Variants in AIFM3 observed in about 807,000 individuals in gnomAD.
AIFM3 encodes the protein apoptosis-inducing factor 3.
AIFM3 carries 71 observed loss-of-function variants against 82.7 expected under a neutral mutation model. The ratio of observed to expected loss-of-function variants is 0.86; its 90% CI spans 0.71 to 1.05. AIFM3 has a LOEUF of 1.05. AIFM3 is among the 50% of genes least tolerant of loss of function. The pLI, the probability that AIFM3 is intolerant of heterozygous loss-of-function variation, is 0.00. For missense variants in AIFM3, 748 were observed against 816.7 expected (o/e 0.92, Z 1.03); for synonymous variants, 337 against 329.1 (o/e 1.02, Z -0.26).
At chr22:20,968,113 T>C (rs1923035445) in intron 2 of AIFM3, 138 bp downstream of exon 2, 2 of 886,498 alleles carry the variant, frequency 2.3e-6, no homozygotes, top group East Asian at 2.7e-5. Context: ...GGAATGTTAA[T>C]ACGCTGCCGC....
intron 2 of AIFM3, among the ~76,000 whole-genome samples, chr22:20,969,555 A>T (rs951562300): frequency 6.6e-6 from 1 of 151,666 alleles, no homozygotes; most frequent in South Asian, 2.1e-4. Context: ...TCAGCCTCCC[A>T]AGTAGCTGGA....
intron 2 of AIFM3, among the ~76,000 whole-genome samples, chr22:20,968,217 G>C (rs1923043674): frequency 6.6e-6 from 1 of 152,128 alleles, no homozygotes; most frequent in Non-Finnish European, 1.5e-5. Flanking sequence ...GTTGGTGGTG[G>C]GAATAACAGC....
intron 7 of AIFM3, 32 bp from the exon 8 acceptor site, chr22:20,974,671 AG>A (rs1923513634): frequency 6.2e-7 from 1 of 1,613,632 alleles, no homozygotes; most frequent in East Asian, 2.2e-5. Flanking sequence ...ATTGGTGAGA[AG>A]TGGTTCCTGG....
At chr22:20,980,686 T>G in intron 19 of AIFM3, 61 bp from the exon 20 acceptor site, 2 of 1,611,340 alleles carry the variant, frequency 1.2e-6, no homozygotes, top group Non-Finnish European at 1.7e-6. Flanking sequence ...GAAGGGGACA[T>G]GATAAATGAC....
At chr22:20,965,799 A>C (rs1004336752), upstream of AIFM3, among the ~76,000 whole-genome samples, 5 of 152,012 alleles carry the variant, frequency 3.3e-5, no homozygotes, top group African/African-American at 9.7e-5. Context: ...TGGGAGGGTC[A>C]GGTGGAGCAG....
chr22:20,973,336 GAGA>G lies in AIFM3; in HGVS notation c.64_66del (p.Lys22del). ...GCTCAAGATCGAGGTGGTGCTGCCT[GAGA>G]AGGAGCGAGGCAAGGAGGAGCTGTC... On this transcript the variant is annotated inframe_deletion, in exon 3 of 21. Coordinates refer to ENST00000440238, the MANE Select transcript of AIFM3 (RefSeq NM_001386814.1). 6.2e-7 allele frequency: 1 copy of G among 1,602,376 alleles called. No homozygotes were observed. The highest frequency in any genetic ancestry group is 1.3e-5 in the African/African-American group (1 of 74,780).
In AIFM3 at chr22:20,979,633, G is replaced by T. The variant is rs371219265; in HGVS notation, c.1583G>T (p.Gly528Val). ...CCACCTGCCCGGCCCACAGGCTACG[G>T]AGAAGGCTTCGACGACGTCATCATC... ...FGKSLRYAGY[G>V]EGFDDVIIQG... The change falls in exon 18 of 21, where the codon GGA becomes GTA. Residue 528 changes from glycine (G) to valine (V), a missense_variant. Physicochemically the swap from Gly to Val is moderately radical, Grantham distance 109. Coordinates refer to ENST00000440238, the MANE Select transcript of AIFM3 (RefSeq NM_001386814.1). 3.7e-6 allele frequency: 6 copies of T among 1,614,092 alleles called. No individual in the cohort carries two copies. In the African/African-American group the frequency reaches 5.3e-5, roughly 14 times the overall value.
In AIFM3 at chr22:20,980,029, GGTGATCGCC is replaced by G. The variant is rs1352156640; in HGVS notation, c.1666_1674del (p.Ile556_Val558del). The G allele has an allele frequency of 6.2e-7, 1 of 1,610,852 alleles. No homozygotes were observed. The highest frequency in any genetic ancestry group is 8.5e-7 in the Non-Finnish European group (1 of 1,179,856). On this transcript the variant is annotated inframe_deletion, in exon 19 of 21. Coordinates refer to ENST00000440238, the MANE Select transcript of AIFM3 (RefSeq NM_001386814.1). Reference sequence around the variant, plus strand: ...CATCCTCTCCTTGCAGAGGCGACGAGGTGATCGCCGTGGCCAGCATGAACTACGATCCCA... The same window carrying G: ...CATCCTCTCCTTGCAGAGGCGACGAGGTGGCCAGCATGAACTACGATCCCA...
chr22:20,979,724 T>C, intron 18 of AIFM3, 22 bp downstream of exon 18: 1 of 1,613,976 alleles, frequency 6.2e-7, no homozygotes, highest in Non-Finnish European at 8.5e-7. Flanking sequence ...GGGGTGCAGC[T>C]TGGCGCGAAG....
chr22:20,973,138 C>T (rs1474970705), intron 2 of AIFM3, 169 bp from the exon 3 acceptor site: 1 of 765,128 alleles, frequency 1.3e-6, no homozygotes, highest in African/African-American at 1.7e-5. Context: ...TGCTTCGTGC[C>T]AGGTTTAAGG....
chr22:20,975,524 C>G lies in AIFM3; in HGVS notation c.721-168C>G, dbSNP rs143962667. 6.0e-3 allele frequency among the ~76,000 whole-genome samples: 920 copies of G among 152,338 alleles called. 10 individuals carry two copies. Among genetic ancestry groups the G allele is most frequent in the African/African-American group, 0.021 (884 of 41,566 alleles). On this transcript the variant is annotated intron_variant, in intron 8 of 20. Coordinates refer to ENST00000440238, the MANE Select transcript of AIFM3 (RefSeq NM_001386814.1). ...GGTTCAAGCGATCCTCCTGTCTCAGCCTCCCAAAGTGTTGGGATCACAGGC... is the reference window on the plus strand; with the variant it reads ...GGTTCAAGCGATCCTCCTGTCTCAGGCTCCCAAAGTGTTGGGATCACAGGC...
chr22:20,976,579 A>T, intron 11 of AIFM3, 41 bp downstream of exon 11: 1 of 1,613,078 alleles, frequency 6.2e-7, no homozygotes, highest in South Asian at 1.1e-5. Flanking sequence ...TCAGGTCGTC[A>T]TGGCCAGTCC....
rs767621376 is a variant in AIFM3 at position 20,980,046 on chromosome 22, G to C, written c.1679G>C (p.Ser560Thr). 4 of 1,611,258 alleles carry C rather than the reference G, an allele frequency of 2.5e-6. No homozygotes were observed. The South Asian group carries it at 4.4e-5, about 18-fold the overall frequency. Residue 560 changes from serine (S) to threonine (T), a missense_variant, in exon 19 of 21, where the codon AGC (serine) becomes ACC (threonine). Ser to Thr is a moderately conservative substitution (Grantham distance 58). Coordinates refer to ENST00000440238, the MANE Select transcript of AIFM3 (RefSeq NM_001386814.1). ...TKGDEVIAVA[S>T]MNYDPIVSKV... Reference sequence around the variant, plus strand: ...GGCGACGAGGTGATCGCCGTGGCCAGCATGAACTACGATCCCATTGTGTCC... The same window carrying C: ...GGCGACGAGGTGATCGCCGTGGCCACCATGAACTACGATCCCATTGTGTCC...
chr22:20,965,947 G>A (rs1454567233), upstream of AIFM3, among the ~76,000 whole-genome samples: 2 of 152,178 alleles, frequency 1.3e-5, no homozygotes, highest in Non-Finnish European at 2.9e-5. Context: ...CATGGGCAAG[G>A]AATAGCACTC....
Position 20,977,047 on chromosome 22 carries a change from C to G in AIFM3, c.1234C>G (p.Leu412Val), listed in dbSNP as rs1569149682. The change falls in exon 14 of 21, where the codon CTG becomes GTG. Residue 412 changes from leucine to valine, a missense_variant. Coordinates refer to ENST00000440238, the MANE Select transcript of AIFM3 (RefSeq NM_001386814.1). Reference protein sequence around the residue: ...GQEGKLKEVVLKSSKVVRADV... With the variant: ...GQEGKLKEVVVKSSKVVRADV... ...CTCCCCACAGCTGAAGGAGGTTGTG[C>G]TGAAGAGCAGCAAGGTCGTGCGGGC... 6.2e-7 allele frequency: 1 copy of G among 1,614,184 alleles called. No individual in the cohort carries two copies. Among genetic ancestry groups the G allele is most frequent in the East Asian group, 2.2e-5 (1 of 44,882 alleles).
Position 20,975,737 on chromosome 22 carries a change from T to C in AIFM3, c.766T>C (p.Phe256Leu), listed in dbSNP as rs1215296993. The C allele has an allele frequency of 1.2e-6, 2 of 1,612,480 alleles. No homozygotes were observed. The highest frequency in any genetic ancestry group is 3.3e-5 in the Admixed American group (2 of 59,930). The change falls in exon 9 of 21, where the codon TTT becomes CTT. Residue 256 changes from phenylalanine to leucine, a missense_variant. Physicochemically the swap from Phe to Leu is conservative, Grantham distance 22. Transcript: ENST00000440238. ...PEQLALRPKE[F>L]FRAYGIEVLT... ...GCAGCTGGCCCTGAGGCCCAAGGAG[T>C]TTTTCCGAGCCTATGGCATCGAGGT...
At chr22:20,972,226 G>A (rs1569146685) in intron 2 of AIFM3, among the ~76,000 whole-genome samples, 1 of 151,802 alleles carries the variant, frequency 6.6e-6, no homozygotes, top group South Asian at 2.1e-4. Context: ...CCAACATGGA[G>A]CCCTGTCTCT....
Position 20,981,189 on chromosome 22 carries a change from C to T in AIFM3, c.*158C>T. On this transcript the variant is annotated 3_prime_UTR_variant, in exon 21 of 21. Transcript: ENST00000440238. Reference sequence around the variant, plus strand: ...CCACCTGGCTCCCCTCCTGGGAGGCCTCTGCTGGATCCAGAAGATGCTCAA... The same window carrying T: ...CCACCTGGCTCCCCTCCTGGGAGGCTTCTGCTGGATCCAGAAGATGCTCAA... 1 of 982,144 alleles carries T rather than the reference C, an allele frequency of 1.0e-6. No individual in the cohort carries two copies. Among genetic ancestry groups the T allele is most frequent in the East Asian group, 2.6e-5 (1 of 37,942 alleles). The allele number at this position is 982,144 out of a possible 1,614,324, so 60.8% of individuals were successfully genotyped here.
upstream of AIFM3, chr22:20,965,535 AG>A (rs1922822559): frequency 6.6e-6 from 1 of 152,418 alleles, no homozygotes; most frequent in Non-Finnish European, 1.5e-5. Flanking sequence ...TCCCAGAGAG[AG>A]GGAACTGCAC....
Sources: allele counts gnomAD v4.1 joint callset (sites outside exome capture counted in the v4.1 genomes callset), GRCh38; gene constraint gnomAD v4.1.1; transcripts MANE v1.5; gene names NCBI Gene and HGNC (gene_info 2026-07-23, HGNC 2026-07-21).